SLC41A2: variants seen among roughly 807,000 people sequenced by gnomAD.
SLC41A2 encodes solute carrier family 41 member 2, also known as SLC41A1-like 1.
In SLC41A2, 32 loss-of-function variants were observed where a neutral mutation model predicts 58.3. The observed-to-expected ratio is 0.55, with a 90% CI of 0.41 to 0.74. The LOEUF is 0.74. Among genes scored for constraint, SLC41A2 ranks in the 30% least tolerant of loss-of-function variants. SLC41A2 has a pLI of 0.00. For synonymous variants in SLC41A2, 190 were observed against 235.0 expected (o/e 0.81, Z 1.75); for missense variants, 514 against 680.6 (o/e 0.76, Z 2.72).
At chr12:104,949,368 T>A (rs914424117) in intron 1 of SLC41A2, among the ~76,000 whole-genome samples, 2 of 152,192 alleles carry the variant, frequency 1.3e-5, no homozygotes, top group African/African-American at 4.8e-5. Context: ...TAGTACCTGC[T>A]CCCAGAATGC....
chr12:104,938,497 T>C (rs544739880), intron 1 of SLC41A2, among the ~76,000 whole-genome samples: 1 of 152,326 alleles, frequency 6.6e-6, no homozygotes, highest in South Asian at 2.1e-4. Context: ...GCCATGGGAC[T>C]CTCTTTGGCC....
chr12:104,915,746 T>C (rs1476337181), intron 2 of SLC41A2, among the ~76,000 whole-genome samples: 6 of 152,204 alleles, frequency 3.9e-5, no homozygotes, highest in Admixed American at 6.5e-5. Flanking sequence ...CTTTTCCTAA[T>C]TGAATACCCT....
chr12:104,913,177 T>C (rs932833051), intron 2 of SLC41A2, among the ~76,000 whole-genome samples: 1 of 152,190 alleles, frequency 6.6e-6, no homozygotes, highest in Non-Finnish European at 1.5e-5. Flanking sequence ...ACATTATTTT[T>C]TCCATACTAG....
intron 3 of SLC41A2, among the ~76,000 whole-genome samples, chr12:104,902,654 A>C (rs2045616810): frequency 6.6e-6 from 1 of 152,198 alleles, no homozygotes; most frequent in Admixed American, 6.5e-5. Flanking sequence ...ATGAGCAAAG[A>C]AAAACAAAAG....
chr12:104,889,024 T>C lies in SLC41A2; in HGVS notation c.880+9A>G. The C allele has an allele frequency of 6.4e-7, 1 of 1,558,978 alleles. No individual in the cohort carries two copies. The highest frequency in any genetic ancestry group is 1.4e-5 in the African/African-American group (1 of 71,384). On this transcript the variant is annotated intron_variant, in intron 5 of 10. Coordinates refer to ENST00000258538, the MANE Select transcript of SLC41A2 (RefSeq NM_001352171.3). ...AGGCTATAGAGTAGACATTTATAAA[T>C]TCACTTACCCTGCAGAAGAGATGCA... is the stretch of plus-strand genomic sequence containing the variant.
intron 7 of SLC41A2, among the ~76,000 whole-genome samples, chr12:104,864,809 A>G (rs78999574): frequency 0.076 from 11,491 of 151,980 alleles, 493 homozygotes; most frequent in Middle Eastern, 0.11. Flanking sequence ...TTCCTATATT[A>G]TGAATATTAT....
At chr12:104,865,235 T>C (rs1440548142) in intron 7 of SLC41A2, among the ~76,000 whole-genome samples, 1 of 152,200 alleles carries the variant, frequency 6.6e-6, no homozygotes, top group Non-Finnish European at 1.5e-5. Flanking sequence ...GGGATAGGGT[T>C]CTCATTGTTC....
intron 1 of SLC41A2, among the ~76,000 whole-genome samples, chr12:104,932,995 A>T (rs1021286885): frequency 7.9e-5 from 12 of 152,082 alleles, no homozygotes; most frequent in Non-Finnish European, 4.4e-5. Flanking sequence ...TATGGCCAAG[A>T]CCCCTAAAAG....
intron 10 of SLC41A2, among the ~76,000 whole-genome samples, chr12:104,821,487 C>T (rs1374724939): frequency 1.3e-5 from 2 of 152,088 alleles, no homozygotes; most frequent in African/African-American, 2.4e-5. Flanking sequence ...AATATTCACA[C>T]AATAGAATAC....
At chr12:104,830,819 G>A (rs555760903) in intron 10 of SLC41A2, among the ~76,000 whole-genome samples, 51 of 152,166 alleles carry the variant, frequency 3.4e-4, no homozygotes, top group Non-Finnish European at 6.6e-4. Flanking sequence ...GAAGGCACAA[G>A]CTATTTCCTA....
At chr12:104,946,322 G>A (rs770161282) in intron 1 of SLC41A2, among the ~76,000 whole-genome samples, 2 of 152,032 alleles carry the variant, frequency 1.3e-5, no homozygotes, top group Non-Finnish European at 2.9e-5. Flanking sequence ...GGAACAGGAT[G>A]GAGTGCAGGG....
intron 10 of SLC41A2, among the ~76,000 whole-genome samples, chr12:104,825,516 C>A (rs1335323906): frequency 6.6e-6 from 1 of 152,126 alleles, no homozygotes; most frequent in Non-Finnish European, 1.5e-5. Flanking sequence ...CCCCTTTTTG[C>A]CCCTTAAACT....
intron 1 of SLC41A2, among the ~76,000 whole-genome samples, chr12:104,934,371 T>C (rs1300777131): frequency 6.6e-6 from 1 of 152,214 alleles, no homozygotes; most frequent in Non-Finnish European, 1.5e-5. Flanking sequence ...GTATAAGCTA[T>C]TCAGAAGCTT....
At chr12:104,839,655 C>T (rs537368543) in intron 10 of SLC41A2, among the ~76,000 whole-genome samples, 5 of 152,154 alleles carry the variant, frequency 3.3e-5, no homozygotes, top group African/African-American at 1.2e-4. Flanking sequence ...AGGCGTGCAC[C>T]ACCACGCCCT....
At chr12:104,923,448 C>A (rs1225093103) in intron 2 of SLC41A2, among the ~76,000 whole-genome samples, 1 of 150,062 alleles carries the variant, frequency 6.7e-6, no homozygotes, top group Non-Finnish European at 1.5e-5. Flanking sequence ...CAATTCAAAC[C>A]CCAAATTAGT....
intron 4 of SLC41A2, among the ~76,000 whole-genome samples, chr12:104,891,869 G>A (rs2044990458): frequency 6.6e-6 from 1 of 152,102 alleles, no homozygotes; most frequent in Non-Finnish European, 1.5e-5. Context: ...CAACACACAA[G>A]AAGCAGTAGC....
chr12:104,858,357 A>T (rs111390323), intron 8 of SLC41A2, among the ~76,000 whole-genome samples: 13 of 152,338 alleles, frequency 8.5e-5, no homozygotes, highest in African/African-American at 3.1e-4. Flanking sequence ...CTGGTTTTCA[A>T]TCGTGACTCA....
chr12:104,942,784 G>A (rs1173633414), intron 1 of SLC41A2, among the ~76,000 whole-genome samples: 1 of 152,056 alleles, frequency 6.6e-6, no homozygotes, highest in Non-Finnish European at 1.5e-5. Flanking sequence ...TCTGTAAGTT[G>A]TATTATTTAT....
chr12:104,832,693 T>A (rs1175027106), intron 10 of SLC41A2, among the ~76,000 whole-genome samples: 1 of 152,064 alleles, frequency 6.6e-6, no homozygotes, highest in East Asian at 1.9e-4. Flanking sequence ...CACTTCACGC[T>A]ATACCTGAAC....
Sources: gnomAD v4.1 joint callset for allele counts (sites outside exome capture counted in the v4.1 genomes callset) on GRCh38, gnomAD v4.1.1 for gene constraint, MANE v1.5 for transcripts, NCBI Gene and HGNC (gene_info 2026-07-23, HGNC 2026-07-21) for gene names.